The following CACNA2D1 variants were observed in gnomAD, a reference collection of about 807,000 sequenced individuals.
CACNA2D1 encodes voltage-dependent calcium channel subunit alpha-2/delta-1.
Under a neutral mutation model 171.5 loss-of-function variants are expected in CACNA2D1, and 53 were observed. That is an observed-to-expected ratio of 0.31 (90% CI 0.25 to 0.39). CACNA2D1 has a LOEUF of 0.39. CACNA2D1 is among the 10% of genes least tolerant of loss of function. The probability of loss-of-function intolerance (pLI) is 1.00; values close to 1 mark genes in which losing one functional copy is unlikely to be tolerated. For missense variants in CACNA2D1, 903 were observed against 1,299.8 expected (o/e 0.69, Z 4.69); for synonymous variants, 442 against 443.1 (o/e 1.00, Z 0.03).
At chr7:82,041,291 G>C (rs568059235) in intron 10 of CACNA2D1, among the ~76,000 whole-genome samples, 1 of 152,094 alleles carries the variant, frequency 6.6e-6, no homozygotes, top group Admixed American at 6.5e-5. Context: ...AAAGCTCGTC[G>C]AAAGGTAGGG....
At chr7:82,190,976 A>T (rs1336838078) in intron 3 of CACNA2D1, among the ~76,000 whole-genome samples, 1 of 151,768 alleles carries the variant, frequency 6.6e-6, no homozygotes, top group Non-Finnish European at 1.5e-5. Flanking sequence ...GTAAACAATT[A>T]ACTTTTAATA....
At chr7:82,132,147 T>A (rs1414731532) in intron 5 of CACNA2D1, among the ~76,000 whole-genome samples, 1 of 152,170 alleles carries the variant, frequency 6.6e-6, no homozygotes, top group African/African-American at 2.4e-5. Flanking sequence ...TAGGAGATAT[T>A]AGAAAAAACT....
At position 82,335,262 on chromosome 7, in the gene CACNA2D1, G is replaced by GA. The variant is rs5885290; in HGVS notation, c.178-12dup. On this transcript the variant is annotated splice_polypyrimidine_tract_variant and intron_variant, in intron 2 of 38. Transcript: ENST00000356860. ...ATATTTCTCATAAATCTGTGTGAAAGAAAAAAAAAACTAGTAAGAACAATA... is the reference window on the plus strand; with the variant it reads ...ATATTTCTCATAAATCTGTGTGAAAGAAAAAAAAAAACTAGTAAGAACAATA... The GA allele has an allele frequency of 0.19, 241,720 of 1,277,060 alleles. 12,572 individuals are homozygous for GA. The highest frequency in any genetic ancestry group is 0.28 in the Admixed American group (14,874 of 53,182). 79.1% of individuals were successfully genotyped at this position (1,277,060 alleles called of 1,614,324 possible).
Position 81,973,627 on chromosome 7 carries a change from A to G in CACNA2D1, c.2053+828T>C, listed in dbSNP as rs1795526104. On this transcript the variant is annotated intron_variant, in intron 25 of 38. Coordinates refer to ENST00000356860, the MANE Select transcript of CACNA2D1 (RefSeq NM_000722.4). ...CAAAGAGACTCCTCTTTGAGAGAGA[A>G]CCAAAAAAGTCAATTATGTGTACTT... is the stretch of plus-strand genomic sequence containing the variant. 2.6e-5 allele frequency among the ~76,000 whole-genome samples: 4 copies of G among 152,030 alleles called. No individual in the cohort carries two copies. The South Asian group carries it at 8.3e-4, about 31-fold the overall frequency.
chr7:82,338,435 T>A (rs576996895), intron 2 of CACNA2D1, among the ~76,000 whole-genome samples: 3 of 152,088 alleles, frequency 2.0e-5, no homozygotes, highest in African/African-American at 7.2e-5. Context: ...TCTCAGGTGA[T>A]CCTCCCATGT....
chr7:81,965,405 C>A (rs1240279623), intron 32 of CACNA2D1, among the ~76,000 whole-genome samples, 189 bp downstream of exon 32: 1 of 151,798 alleles, frequency 6.6e-6, no homozygotes, highest in Non-Finnish European at 1.5e-5. Flanking sequence ...AATGTAAAAT[C>A]AAATAACATA....
At chr7:82,268,412 AGG>A (rs1808194921) in intron 3 of CACNA2D1, among the ~76,000 whole-genome samples, 1 of 152,226 alleles carries the variant, frequency 6.6e-6, no homozygotes, top group African/African-American at 2.4e-5. Flanking sequence ...CAGCCAGCAA[AGG>A]TATTACGGAG....
intron 1 of CACNA2D1, among the ~76,000 whole-genome samples, chr7:82,432,541 A>G (rs901788666): frequency 1.8e-4 from 28 of 152,188 alleles, no homozygotes; most frequent in Non-Finnish European, 2.8e-4. Flanking sequence ...AGATGAGCCT[A>G]TGTTGCCCAG....
chr7:82,222,429 C>T (rs142103530), intron 3 of CACNA2D1, among the ~76,000 whole-genome samples: 235 of 152,272 alleles, frequency 1.5e-3, no homozygotes, highest in African/African-American at 5.4e-3. Context: ...TACAAGGAGA[C>T]TCAGGACAAA....
intron 7 of CACNA2D1, among the ~76,000 whole-genome samples, chr7:82,075,630 G>A (rs1411796203): frequency 6.6e-6 from 1 of 152,162 alleles, no homozygotes; most frequent in Non-Finnish European, 1.5e-5. Context: ...AACAAACTAT[G>A]ATTCTACAGG....
At position 81,994,898 on chromosome 7, in the gene CACNA2D1, T is replaced by G. The variant is rs769358860; in HGVS notation, c.1704A>C (p.Thr568=). 1 of 1,541,566 alleles carries G rather than the reference T, an allele frequency of 6.5e-7. No homozygotes were observed. Among genetic ancestry groups the G allele is most frequent in the Non-Finnish European group, 9.0e-7 (1 of 1,114,234 alleles). The change falls in exon 20 of 39, where the codon ACA becomes ACC. Residue 568 remains threonine, a synonymous_variant. Coordinates refer to ENST00000356860, the MANE Select transcript of CACNA2D1 (RefSeq NM_000722.4). ...CTTGAGATTTAACCAGAGTTCTGAA[T>G]GTTTTTTCTCCACTTTCCCCATCAA... ...KMIDGESGEK[T]FRTLVKSQDE...
intron 14 of CACNA2D1, among the ~76,000 whole-genome samples, chr7:82,012,476 GT>G (rs1348995791): frequency 6.6e-6 from 1 of 151,984 alleles, no homozygotes; most frequent in Non-Finnish European, 1.5e-5. Context: ...ATCTACCCCA[GT>G]TTTTTTCTAG....
At chr7:82,161,914 G>A (rs914657982) in intron 4 of CACNA2D1, among the ~76,000 whole-genome samples, 2 of 152,032 alleles carry the variant, frequency 1.3e-5, no homozygotes, top group South Asian at 4.1e-4. Flanking sequence ...TAAAGACACA[G>A]AGGTACTGTA....
intron 3 of CACNA2D1, among the ~76,000 whole-genome samples, chr7:82,307,740 A>G (rs1813917580): frequency 6.6e-6 from 1 of 151,988 alleles, no homozygotes; most frequent in Non-Finnish European, 1.5e-5. Context: ...CTCTTTTGAG[A>G]TACCTCTTGC....
At chr7:82,386,859 ACT>A (rs1031744312) in intron 1 of CACNA2D1, among the ~76,000 whole-genome samples, 34 of 151,744 alleles carry the variant, frequency 2.2e-4, no homozygotes, top group African/African-American at 8.0e-4. Context: ...CCATTTAAAG[ACT>A]CTATATGCAA....
intron 12 of CACNA2D1, among the ~76,000 whole-genome samples, chr7:82,014,943 T>G (rs770328181): frequency 3.2e-4 from 48 of 152,126 alleles, no homozygotes; most frequent in Admixed American, 5.9e-4. Flanking sequence ...TAATCCCAGC[T>G]ACTCGGGAAG....
chr7:82,066,198 G>C (rs1170080566), intron 8 of CACNA2D1, among the ~76,000 whole-genome samples: 2 of 152,028 alleles, frequency 1.3e-5, no homozygotes, highest in Non-Finnish European at 2.9e-5. Context: ...AAGAGGTGTA[G>C]TACTGAGATT....
At chr7:82,183,206 T>C (rs796137926) in intron 3 of CACNA2D1, among the ~76,000 whole-genome samples, 9 of 152,286 alleles carry the variant, frequency 5.9e-5, no homozygotes, top group African/African-American at 1.7e-4. Context: ...TATCATTATA[T>C]TGACCTTGTC....
At chr7:82,055,051 A>G (rs1374250187) in intron 10 of CACNA2D1, among the ~76,000 whole-genome samples, 1 of 152,204 alleles carries the variant, frequency 6.6e-6, no homozygotes, top group Non-Finnish European at 1.5e-5. Context: ...GAAGGTCAGC[A>G]TGTGCTAGAA....
Sources: gnomAD v4.1 joint callset for allele counts (sites outside exome capture counted in the v4.1 genomes callset) on GRCh38, gnomAD v4.1.1 for gene constraint, MANE v1.5 for transcripts, NCBI Gene and HGNC (gene_info 2026-07-23, HGNC 2026-07-21) for gene names.